Variants in DCX observed in about 807,000 individuals in gnomAD.
DCX encodes the protein neuronal migration protein doublecortin.
In DCX, 4 loss-of-function variants were observed where a neutral mutation model predicts 20.9. The ratio of observed to expected loss-of-function variants is 0.19; its 90% CI spans 0.09 to 0.44. The LOEUF (loss-of-function observed/expected upper bound fraction) is 0.44. Ranked by LOEUF, DCX falls within the 20% of genes least tolerant of loss-of-function variation. The pLI, the probability that DCX is intolerant of heterozygous loss-of-function variation, is 0.99. For missense variants in DCX, 133 were observed against 296.9 expected (o/e 0.45, Z 4.06); for synonymous variants, 103 against 111.4 (o/e 0.92, Z 0.47).
At chrX:111,379,533 T>C (rs1925799593) in intron 3 of DCX, among the ~76,000 whole-genome samples, 2 of 112,289 alleles carry the variant, frequency 1.8e-5, no homozygotes, top group Non-Finnish European at 3.8e-5. Context: ...ATTCACGTTA[T>C]AGCATGTCAT....
rs934469880 is a variant in DCX at position 111,301,386 on chromosome X, C to T, written c.*301G>A. 2.9e-5 allele frequency: 10 copies of T among 350,057 alleles called. No individual in the cohort carries two copies. The highest frequency in any genetic ancestry group is 1.4e-4 in the South Asian group (3 of 21,906). The allele number at this position is 350,057 out of a possible 1,213,427, so 28.8% of individuals were successfully genotyped here. The stretch of plus-strand genomic sequence containing the variant: ...GCAAAATTAGACAGGGCAAATATAA[C>T]GCAGGCACCTAAGCTTTCCATTGAA... On this transcript the variant is annotated 3_prime_UTR_variant, in exon 7 of 7. Coordinates refer to ENST00000636035, the MANE Select transcript of DCX (RefSeq NM_001195553.2).
rs187044849 is a variant in DCX at position 111,396,907 on chromosome X, T to G, written c.705+4083A>C. ...TTGAGGTGAGGAATCAATTGGGGTGTCTTCCTACTAGTGGTGGTTGGCTTT... is the reference window on the plus strand; with the variant it reads ...TTGAGGTGAGGAATCAATTGGGGTGGCTTCCTACTAGTGGTGGTTGGCTTT... On this transcript the variant is annotated intron_variant, in intron 3 of 6. Transcript: ENST00000636035. Among the ~76,000 whole-genome samples, 24 of 111,308 alleles carry G rather than the reference T, an allele frequency of 2.2e-4. No individual in the cohort carries two copies. In the East Asian group the frequency reaches 6.8e-3, roughly 32 times the overall value.
At chrX:111,397,795 A>G (rs1320310631) in intron 3 of DCX, among the ~76,000 whole-genome samples, 2 of 52,190 alleles carry the variant, frequency 3.8e-5, no homozygotes, top group Admixed American at 3.1e-4. Context: ...GTGTGTGTGT[A>G]TATCTACATA....
chrX:111,312,791 C>G (rs974856203), intron 5 of DCX, 55 bp from the exon 6 acceptor site: 2 of 1,091,298 alleles, frequency 1.8e-6, no homozygotes, highest in Admixed American at 4.5e-5. Context: ...TACAAAGGAG[C>G]AAGTTATCCT....
rs2095049869 is a variant in DCX at position 111,308,237 on chromosome X, A to C, written c.1044+4402T>G. On this transcript the variant is annotated intron_variant, in intron 6 of 6. Transcript: ENST00000636035. ...CTACAGAACAAAATGTTTGTAACAAATACAGCTGTGCTGGCGATACTATTG... is the reference window on the plus strand; with the variant it reads ...CTACAGAACAAAATGTTTGTAACAACTACAGCTGTGCTGGCGATACTATTG... Among the ~76,000 whole-genome samples the C allele has an allele frequency of 3.6e-5, 4 of 112,144 alleles. No homozygotes were observed. In the South Asian group the frequency reaches 1.5e-3, roughly 42 times the overall value.
At chrX:111,333,647 A>G (rs1361573190) in intron 3 of DCX, among the ~76,000 whole-genome samples, 1 of 112,069 alleles carries the variant, frequency 8.9e-6, no homozygotes, top group African/African-American at 3.2e-5. Context: ...ACTGCTTTGG[A>G]CACACAAAAA....
intron 3 of DCX, among the ~76,000 whole-genome samples, chrX:111,369,087 G>A (rs1230254724): frequency 5.4e-5 from 6 of 110,813 alleles, no homozygotes; most frequent in African/African-American, 9.9e-5. Context: ...ATGGGAGAAA[G>A]ATGTAGACTG....
chrX:111,321,950 T>C (rs1303462104), intron 5 of DCX, among the ~76,000 whole-genome samples: 1 of 112,159 alleles, frequency 8.9e-6, no homozygotes, highest in Non-Finnish European at 1.9e-5. Context: ...CTCATTCACT[T>C]AGCCCTGGCT....
intron 3 of DCX, among the ~76,000 whole-genome samples, chrX:111,342,157 T>C (rs1457823803): frequency 1.4e-5 from 1 of 72,931 alleles, no homozygotes; most frequent in Non-Finnish European, 2.5e-5. Flanking sequence ...ACACACCAGC[T>C]CAAAATAAAG....
At chrX:111,383,704 G>C (rs377101248) in intron 3 of DCX, among the ~76,000 whole-genome samples, 1 of 111,753 alleles carries the variant, frequency 8.9e-6, no homozygotes, top group East Asian at 2.8e-4. Flanking sequence ...TATAAAATGA[G>C]AGGGTTGGAC....
Position 111,410,096 on chromosome X carries a change from C to A in DCX, c.303G>T (p.Val101=). 1.7e-6 allele frequency: 2 copies of A among 1,211,838 alleles called. No individual in the cohort carries two copies. The highest frequency in any genetic ancestry group is 2.2e-6 in the Non-Finnish European group (2 of 895,546). The change falls in exon 2 of 7, where the codon GTG becomes GTT. Residue 101 remains valine, a synonymous_variant. Coordinates refer to ENST00000636035, the MANE Select transcript of DCX (RefSeq NM_001195553.2). ...ATCCATCAATGGTGTAAATGTAACG[C>A]ACTCCCTGAGGCAGGTTGATGTTGT... ...LSDNINLPQG[V]RYIYTIDGSR...
intron 3 of DCX, among the ~76,000 whole-genome samples, chrX:111,399,172 A>G (rs1927573443): frequency 9.0e-6 from 1 of 111,342 alleles, no homozygotes; most frequent in Non-Finnish European, 1.9e-5. Context: ...TTATTAATAT[A>G]TGAAAATTGC....
rs1163559245 is a variant in DCX, at chrX:111,301,447, G to A, written c.*240C>T. On this transcript the variant is annotated 3_prime_UTR_variant, in exon 7 of 7. Transcript: ENST00000636035. ...CTAGCACATTTTGCATCCCTGGAAT[G>A]CTGCCCCAAAGGATGGTTATCAATC... 6.9e-6 allele frequency: 3 copies of A among 435,636 alleles called. No individual in the cohort carries two copies. The Admixed American group carries it at 1.1e-4, about 16-fold the overall frequency. 35.9% of individuals were successfully genotyped at this position (435,636 alleles called of 1,213,427 possible).
chrX:111,320,594 C>T (rs2095084133), intron 5 of DCX, among the ~76,000 whole-genome samples: 1 of 111,177 alleles, frequency 9.0e-6, no homozygotes, highest in Non-Finnish European at 1.9e-5. Context: ...TTTCCCTTCT[C>T]AGAACCACAG....
At chrX:111,342,896 C>G (rs1360994534) in intron 3 of DCX, among the ~76,000 whole-genome samples, 1 of 111,254 alleles carries the variant, frequency 9.0e-6, no homozygotes. Flanking sequence ...GTACCAGAAT[C>G]CCTAGGACAC....
rs1924439620 is a variant in DCX at position 111,364,330 on chromosome X, C to A, written c.706-31177G>T. ...ACTGTTCACACAAGAGAACATGTGA[C>A]AGTTTCAACAAATACATGAAAAGGT... On this transcript the variant is annotated intron_variant, in intron 3 of 6. Coordinates refer to ENST00000636035, the MANE Select transcript of DCX (RefSeq NM_001195553.2). Among the ~76,000 whole-genome samples the A allele has an allele frequency of 2.7e-5, 3 of 112,125 alleles. No homozygotes were observed. In the South Asian group the frequency reaches 1.1e-3, roughly 42 times the overall value.
At chrX:111,388,576 G>A (rs940811098) in intron 3 of DCX, among the ~76,000 whole-genome samples, 1 of 112,397 alleles carries the variant, frequency 8.9e-6, no homozygotes, top group Non-Finnish European at 1.9e-5. Flanking sequence ...ACACAAGCAG[G>A]TTTCTTTGTA....
chrX:111,360,381 A>T (rs924165821), intron 3 of DCX, among the ~76,000 whole-genome samples: 4 of 111,476 alleles, frequency 3.6e-5, no homozygotes, highest in African/African-American at 1.3e-4. Flanking sequence ...TATTTGTGGG[A>T]TCTAAAAATC....
chrX:111,357,277 C>A lies in DCX; in HGVS notation c.706-24124G>T, dbSNP rs769870620. On this transcript the variant is annotated intron_variant, in intron 3 of 6. Transcript: ENST00000636035. ...TCTAGTCCACTAAGTAACTATGTAA[C>A]CTTGGTAAGTCATTTTTTCTCTCAG... 2.7e-5 allele frequency among the ~76,000 whole-genome samples: 3 copies of A among 111,483 alleles called. No individual in the cohort carries two copies. The South Asian group carries it at 1.1e-3, about 42-fold the overall frequency.
Sources: gnomAD v4.1 joint callset for allele counts (sites outside exome capture counted in the v4.1 genomes callset) on GRCh38, gnomAD v4.1.1 for gene constraint, MANE v1.5 for transcripts, NCBI Gene and HGNC (gene_info 2026-07-23, HGNC 2026-07-21) for gene names.